DPP6: variants seen among roughly 807,000 people sequenced by gnomAD.
DPP6 encodes dipeptidyl peptidase like 6, also known as A-type potassium channel modulatory protein DPP6.
DPP6 carries 69 observed loss-of-function variants against 122.6 expected under a neutral mutation model. That is an observed-to-expected ratio of 0.56 (90% CI 0.46 to 0.69). The LOEUF (loss-of-function observed/expected upper bound fraction) is 0.69, where lower values mean the gene tolerates loss of function less well. Ranked by LOEUF, DPP6 falls within the 30% of genes least tolerant of loss-of-function variation. DPP6 has a pLI of 0.00. For missense variants in DPP6, 928 were observed against 1,116.9 expected, an observed-to-expected ratio of 0.83 and a Z score of 2.41; for synonymous variants, 418 against 433.1, an observed-to-expected ratio of 0.97 and a Z score of 0.43.
At chr7:154,419,492 T>A (rs559168441) in intron 1 of DPP6, among the ~76,000 whole-genome samples, 39 of 152,352 alleles carry the variant, frequency 2.6e-4, no homozygotes, top group African/African-American at 8.7e-4. Context: ...CTGTGCAGAA[T>A]GCGTTCTCCT....
At chr7:154,379,189 G>T (rs1813384706) in intron 1 of DPP6, among the ~76,000 whole-genome samples, 1 of 152,140 alleles carries the variant, frequency 6.6e-6, no homozygotes, top group East Asian at 1.9e-4. Flanking sequence ...TCCATAAAAG[G>T]TCACAGAGAC....
At chr7:154,408,765 CCT>C (rs781772561) in intron 1 of DPP6, among the ~76,000 whole-genome samples, 62 of 149,556 alleles carry the variant, frequency 4.1e-4, no homozygotes, top group Non-Finnish European at 6.2e-4. Flanking sequence ...TCAGTCTTCC[CCT>C]GTTTTTTTTT....
intron 1 of DPP6, among the ~76,000 whole-genome samples, chr7:153,989,619 A>G (rs943091148): frequency 6.6e-6 from 1 of 151,984 alleles, no homozygotes; most frequent in African/African-American, 2.4e-5. Context: ...GGGTGCTCAC[A>G]GCTGGGGCGA....
rs183303732 is a variant in DPP6 at position 154,221,516 on chromosome 7, A to G, written c.243+168453A>G. ...ATCAGACCCTAGCACAGCTTCTCACATAGCCCCTCTCCTCCCCACCCAGCC... is the reference window on the plus strand; with the variant it reads ...ATCAGACCCTAGCACAGCTTCTCACGTAGCCCCTCTCCTCCCCACCCAGCC... On this transcript the variant is annotated intron_variant, in intron 1 of 25. Coordinates refer to ENST00000377770, the MANE Select transcript of DPP6 (RefSeq NM_130797.4). 4.0e-3 allele frequency among the ~76,000 whole-genome samples: 614 copies of G among 152,202 alleles called. 5 individuals carry two copies. The highest frequency in any genetic ancestry group is 0.014 in the African/African-American group (563 of 41,530).
At chr7:154,585,765 C>T (rs1353009248) in intron 5 of DPP6, among the ~76,000 whole-genome samples, 1 of 152,156 alleles carries the variant, frequency 6.6e-6, no homozygotes, top group African/African-American at 2.4e-5. Flanking sequence ...ATGCACCCAT[C>T]CTTTTCTTTC....
intron 1 of DPP6, among the ~76,000 whole-genome samples, chr7:153,985,303 G>T (rs1796787041): frequency 6.6e-6 from 1 of 152,230 alleles, no homozygotes; most frequent in African/African-American, 2.4e-5. Flanking sequence ...GGACAAAGTT[G>T]TGTCTTTATC....
rs1416012425 is a variant in DPP6 at position 154,877,244 on chromosome 7, T to G, written c.2078+1144T>G. 1 of 152,260 alleles carries G rather than the reference T, an allele frequency of 6.6e-6. No homozygotes were observed. Among genetic ancestry groups the G allele is most frequent in the Non-Finnish European group, 1.5e-5 (1 of 68,072 alleles). 9.4% of individuals were successfully genotyped at this position (152,260 alleles called of 1,614,324 possible). Reference sequence around the variant, plus strand: ...GTTCCGGTCCTCCTCCAGGGAGCTATGAGCTGGGTGATGGCAGACAAAGCA... The same window carrying G: ...GTTCCGGTCCTCCTCCAGGGAGCTAGGAGCTGGGTGATGGCAGACAAAGCA... On this transcript the variant is annotated intron_variant, in intron 20 of 25. Transcript: ENST00000377770. This position sits in a 1 kb window ranked among gnomAD's most constrained non-coding sequence, Gnocchi z 5.2.
intron 1 of DPP6, among the ~76,000 whole-genome samples, chr7:153,907,525 C>T (rs146710901): frequency 9.6e-4 from 146 of 152,290 alleles, no homozygotes; most frequent in Non-Finnish European, 1.4e-3. Flanking sequence ...TGCCCAGGTA[C>T]GTTGTGAGAC....
At chr7:154,685,408 T>A (rs1839537487) in intron 7 of DPP6, among the ~76,000 whole-genome samples, 1 of 152,214 alleles carries the variant, frequency 6.6e-6, no homozygotes, top group Admixed American at 6.5e-5. Context: ...TGTGGCTGCA[T>A]GCCCAGAGGC....
At chr7:154,067,750 TG>T (rs1157202069) in intron 1 of DPP6, among the ~76,000 whole-genome samples, 2 of 152,134 alleles carry the variant, frequency 1.3e-5, no homozygotes, top group African/African-American at 4.8e-5. Context: ...AGTTTTTGTT[TG>T]TTTTATTGGT....
chr7:154,646,029 A>AAAAAAAAAAAAAG (rs1836451372), intron 6 of DPP6, among the ~76,000 whole-genome samples: 1 of 148,462 alleles, frequency 6.7e-6, no homozygotes, highest in Non-Finnish European at 1.5e-5. Flanking sequence ...CTCCGTCTCA[A>AAAAAAAAAAAAAG]AAAAAAAAAA....
intron 7 of DPP6, among the ~76,000 whole-genome samples, chr7:154,715,247 T>A (rs1232895039): frequency 6.6e-6 from 1 of 151,968 alleles, no homozygotes; most frequent in Non-Finnish European, 1.5e-5. Context: ...TTGTATTTTT[T>A]AAGTAGAGAT....
intron 8 of DPP6, among the ~76,000 whole-genome samples, chr7:154,751,342 G>A (rs1422282817): frequency 6.6e-6 from 1 of 152,008 alleles, no homozygotes; most frequent in African/African-American, 2.4e-5. Context: ...GCTCATGCCT[G>A]TAATCCCAGC....
intron 3 of DPP6, among the ~76,000 whole-genome samples, chr7:154,523,894 A>G (rs995724832): frequency 2.6e-5 from 4 of 152,286 alleles, no homozygotes; most frequent in African/African-American, 9.6e-5. Flanking sequence ...AGAATGGCGT[A>G]TTTTCTGTGG....
intron 1 of DPP6, among the ~76,000 whole-genome samples, chr7:154,116,989 G>C (rs1272695696): frequency 2.0e-5 from 3 of 151,974 alleles, no homozygotes; most frequent in African/African-American, 7.2e-5. Flanking sequence ...CATCCAAAAG[G>C]CCTCTCTTCT....
At chr7:153,826,185 GA>G in the DPP6 span, among the ~76,000 whole-genome samples, 1 of 152,188 alleles carries the variant, frequency 6.6e-6, no homozygotes, top group East Asian at 1.9e-4. Flanking sequence ...AAGCTTCAGA[GA>G]GTGTGTGGGA....
At chr7:154,880,324 G>T (rs979710213) in intron 20 of DPP6, among the ~76,000 whole-genome samples, 1 of 152,234 alleles carries the variant, frequency 6.6e-6, no homozygotes, top group Non-Finnish European at 1.5e-5. Context: ...TGCTGCCAAG[G>T]CTGGGCCGTA....
In DPP6 at chr7:154,160,874, C is replaced by T. The variant is rs749996055; in HGVS notation, c.243+107811C>T. On this transcript the variant is annotated intron_variant, in intron 1 of 25. Coordinates refer to ENST00000377770, the MANE Select transcript of DPP6 (RefSeq NM_130797.4). ...GACTTAATAATCAGCCAGGCAGGTG[C>T]GGGGAGGGAATGCCAGAAACATGCA... Among the ~76,000 whole-genome samples the T allele has an allele frequency of 1.1e-3, 162 of 152,208 alleles. 1 individual carries two copies. The highest frequency in any genetic ancestry group is 1.7e-3 in the Non-Finnish European group (114 of 68,000).
intron 1 of DPP6, among the ~76,000 whole-genome samples, chr7:154,350,532 C>T (rs1378105419): frequency 6.6e-6 from 1 of 152,126 alleles, no homozygotes; most frequent in African/African-American, 2.4e-5. Context: ...TGATGGGGGA[C>T]TACTGTGGTC....
Sources: allele counts gnomAD v4.1 joint callset (sites outside exome capture counted in the v4.1 genomes callset), GRCh38; gene constraint gnomAD v4.1.1; non-coding constraint Gnocchi (gnomAD v3.1); transcripts MANE v1.5; gene names NCBI Gene and HGNC (gene_info 2026-07-23, HGNC 2026-07-21).